Variants in PPP1R14C observed in about 807,000 individuals in gnomAD.
The protein encoded by PPP1R14C is protein phosphatase 1 regulatory subunit 14C.
PPP1R14C carries 16 observed loss-of-function variants against 20.4 expected under a neutral mutation model. The observed-to-expected ratio is 0.78, with a 90% CI of 0.53 to 1.19. The LOEUF (loss-of-function observed/expected upper bound fraction) is 1.19, where lower values mean the gene tolerates loss of function less well. PPP1R14C is among the 50% of genes most tolerant of loss of function. The pLI is 0.00. For synonymous variants in PPP1R14C, 91 were observed against 91.0 expected, an observed-to-expected ratio of 1.00 and a Z score of 0.00; for missense variants, 211 against 220.1, an observed-to-expected ratio of 0.96 and a Z score of 0.26.
chr6:150,202,799 G>T (rs954902488), intron 1 of PPP1R14C, among the ~76,000 whole-genome samples: 3 of 152,178 alleles, frequency 2.0e-5, no homozygotes, highest in African/African-American at 7.2e-5. Context: ...TCACCTTCCT[G>T]GGTTCAGCCA....
At chr6:150,241,215 G>C (rs73779915) in intron 3 of PPP1R14C, among the ~76,000 whole-genome samples, 2 of 152,318 alleles carry the variant, frequency 1.3e-5, no homozygotes, top group East Asian at 3.9e-4. Context: ...CTGAAGAACT[G>C]TGGGGTTCAG....
At chr6:150,184,269 G>A (rs144298676) in intron 1 of PPP1R14C, among the ~76,000 whole-genome samples, 269 of 152,244 alleles carry the variant, frequency 1.8e-3, no homozygotes, top group Middle Eastern at 6.8e-3. Flanking sequence ...GAGCATGGAG[G>A]GGCCGTCTCC....
chr6:150,190,744 A>T (rs1777732469), intron 1 of PPP1R14C, among the ~76,000 whole-genome samples: 1 of 152,070 alleles, frequency 6.6e-6, no homozygotes. Flanking sequence ...TTCTGTAGTC[A>T]ATTTGTCAGC....
chr6:150,220,589 C>A (rs991427046), intron 3 of PPP1R14C, among the ~76,000 whole-genome samples: 9 of 152,204 alleles, frequency 5.9e-5, no homozygotes, highest in Admixed American at 5.9e-4. Context: ...CCATTGGTCG[C>A]TGCAGACACG....
chr6:150,241,016 G>A (rs548534083), intron 3 of PPP1R14C, among the ~76,000 whole-genome samples: 21 of 152,086 alleles, frequency 1.4e-4, no homozygotes, highest in African/African-American at 4.6e-4. Context: ...TGGGTGATAG[G>A]AGTGTCTTTT....
intron 3 of PPP1R14C, among the ~76,000 whole-genome samples, chr6:150,234,872 A>G (rs1778339250): frequency 6.7e-6 from 1 of 149,916 alleles, no homozygotes; most frequent in African/African-American, 2.5e-5. Flanking sequence ...AAAAAAAAAA[A>G]AAAAGGAATC....
chr6:150,222,528 A>T (rs1778181045), intron 3 of PPP1R14C, among the ~76,000 whole-genome samples: 1 of 152,154 alleles, frequency 6.6e-6, no homozygotes, highest in Admixed American at 6.5e-5. Flanking sequence ...GACTGATTTC[A>T]TAATGACATG....
Position 150,248,929 on chromosome 6 carries a change from T to G in PPP1R14C, c.*109T>G, listed in dbSNP as rs796498619. 10,321 of 517,160 alleles carry G rather than the reference T, an allele frequency of 0.02. 144 individuals carry two copies. Among genetic ancestry groups the G allele is most frequent in the East Asian group, 0.11 (3,103 of 28,040 alleles). 32.0% of individuals were successfully genotyped at this position (517,160 alleles called of 1,614,324 possible). A position where few individuals can be genotyped will look rare whatever the true frequency, so the allele number is the denominator to read the frequency against. ...GTGTCCTTATGAACAACGTTTTTGT[T>G]TTTTTTTTTTTCTTTTTTGGTGTGA... On this transcript the variant is annotated 3_prime_UTR_variant, in exon 4 of 4. Transcript: ENST00000361131.
In PPP1R14C at chr6:150,187,491, C is replaced by T. The variant is rs113051623; in HGVS notation, c.307-27253C>T. ...TAAGGCCCTAGTGTGTGTTGTTCTC[C>T]TCTGTGTGTCCATGTGTTCTCATCT... is the stretch of plus-strand genomic sequence containing the variant. On this transcript the variant is annotated intron_variant, in intron 1 of 3. Coordinates refer to ENST00000361131, the MANE Select transcript of PPP1R14C (RefSeq NM_030949.3). Among the ~76,000 whole-genome samples, 3 of 152,192 alleles carry T rather than the reference C, an allele frequency of 2.0e-5. 1 individual carries two copies. The highest frequency in any genetic ancestry group is 7.2e-5 in the African/African-American group (3 of 41,504).
At chr6:150,193,836 A>G (rs1040376904) in intron 1 of PPP1R14C, among the ~76,000 whole-genome samples, 1 of 152,122 alleles carries the variant, frequency 6.6e-6, no homozygotes, top group Non-Finnish European at 1.5e-5. Context: ...CCTGGCTTCC[A>G]TCCACTTCTT....
At position 150,171,936 on chromosome 6, in the gene PPP1R14C, G is replaced by T. The variant is rs574187651; in HGVS notation, c.306+28438G>T. Among the ~76,000 whole-genome samples, 105 of 152,154 alleles carry T rather than the reference G, an allele frequency of 6.9e-4. 1 individual carries two copies. Among genetic ancestry groups the T allele is most frequent in the African/African-American group, 2.4e-3 (101 of 41,500 alleles). ...TTCTCCTGCCTCAGCCTCCTGAGTA[G>T]CTGGGATTACAGGTTCCCGCCACCA... On this transcript the variant is annotated intron_variant, in intron 1 of 3. Transcript: ENST00000361131.
intron 1 of PPP1R14C, among the ~76,000 whole-genome samples, chr6:150,208,214 C>A (rs1442879247): frequency 6.6e-6 from 1 of 152,176 alleles, no homozygotes; most frequent in Non-Finnish European, 1.5e-5. Flanking sequence ...CAAACCATAG[C>A]AGGGAGGATG....
At chr6:150,203,140 G>C (rs1367568628) in intron 1 of PPP1R14C, among the ~76,000 whole-genome samples, 2 of 152,190 alleles carry the variant, frequency 1.3e-5, no homozygotes, top group East Asian at 3.8e-4. Context: ...TGGCAAATGT[G>C]TGATGATATA....
At position 150,150,367 on chromosome 6, in the gene PPP1R14C, C is replaced by G. The variant is rs1342078962; in HGVS notation, c.306+6869C>G. Among the ~76,000 whole-genome samples, 9 of 152,080 alleles carry G rather than the reference C, an allele frequency of 5.9e-5. No homozygotes were observed. The East Asian group carries it at 1.7e-3, about 29-fold the overall frequency. ...TTTGCAAATGTGATCTTCCCTGAGT[C>G]CCACCCACTGTCTTTTCCTTTGCTC... On this transcript the variant is annotated intron_variant, in intron 1 of 3. Transcript: ENST00000361131.
At chr6:150,182,579 G>A (rs1777633863) in intron 1 of PPP1R14C, among the ~76,000 whole-genome samples, 1 of 152,074 alleles carries the variant, frequency 6.6e-6, no homozygotes, top group Non-Finnish European at 1.5e-5. Context: ...TGTGAATTTT[G>A]GGGGACACAA....
At position 150,143,089 on chromosome 6, in the gene PPP1R14C, G is replaced by C. The variant is rs1420220496; in HGVS notation, c.-104G>C. On this transcript the variant is annotated 5_prime_UTR_variant, in exon 1 of 4. Coordinates refer to ENST00000361131, the MANE Select transcript of PPP1R14C (RefSeq NM_030949.3). The surrounding 1 kb of genome is among the most constrained non-coding windows in gnomAD (Gnocchi z 5.6). ...CGCGCGCGGCGCAGAGCAGGTGCCG[G>C]GGAGCCCTTCGCATGCGGCTGCCGG... 3 of 1,125,574 alleles carry C rather than the reference G, an allele frequency of 2.7e-6. No homozygotes were observed. Among genetic ancestry groups the C allele is most frequent in the Non-Finnish European group, 3.2e-6 (3 of 924,904 alleles). The allele number at this position is 1,125,574 out of a possible 1,614,324, so 69.7% of individuals were successfully genotyped here. A position where few individuals can be genotyped will look rare whatever the true frequency, so the allele number is the denominator to read the frequency against.
chr6:150,167,995 T>TTCTCTC (rs1562259816), intron 1 of PPP1R14C, among the ~76,000 whole-genome samples: 1 of 3,384 alleles, frequency 3.0e-4, no homozygotes, highest in Admixed American at 4.4e-3. Flanking sequence ...CCCCTCTTCC[T>TTCTCTC]CTCCCCCTTG....
In PPP1R14C at chr6:150,149,461, T is replaced by C. The variant is rs1000431861; in HGVS notation, c.306+5963T>C. Among the ~76,000 whole-genome samples the C allele has an allele frequency of 8.1e-4, 83 of 102,028 alleles. 1 individual carries two copies. Among genetic ancestry groups the C allele is most frequent in the Admixed American group, 6.5e-3 (66 of 10,228 alleles). 66.9% of individuals were successfully genotyped at this position (102,028 alleles called of 152,430 possible). A position where few individuals can be genotyped will look rare whatever the true frequency, so the allele number is the denominator to read the frequency against. On this transcript the variant is annotated intron_variant, in intron 1 of 3. Coordinates refer to ENST00000361131, the MANE Select transcript of PPP1R14C (RefSeq NM_030949.3). ...CCACCTAATTTTTTTTTTTCTTTTT[T>C]TTTTTTTTTTTTTTTTTGTGGAGAC...
At chr6:150,186,194 A>G (rs1777675387) in intron 1 of PPP1R14C, among the ~76,000 whole-genome samples, 2 of 152,180 alleles carry the variant, frequency 1.3e-5, no homozygotes, top group African/African-American at 4.8e-5. Context: ...TAATTGTTTT[A>G]TTTAATCAGG....
Sources: gnomAD v4.1 joint callset for allele counts (sites outside exome capture counted in the v4.1 genomes callset) on GRCh38, gnomAD v4.1.1 for gene constraint, Gnocchi (gnomAD v3.1) non-coding constraint, MANE v1.5 for transcripts, NCBI Gene and HGNC (gene_info 2026-07-23, HGNC 2026-07-21) for gene names.